DLG2: variants seen among roughly 807,000 people sequenced by gnomAD.
The protein encoded by DLG2 is discs large MAGUK scaffold protein 2, also known as disks large homolog 2.
A neutral mutation model predicts 132.5 loss-of-function variants in DLG2; 45 were observed. The ratio of observed to expected loss-of-function variants is 0.34; its 90% CI spans 0.27 to 0.44. The LOEUF (loss-of-function observed/expected upper bound fraction) is 0.44, where lower values mean the gene tolerates loss of function less well. Among genes scored for constraint, DLG2 ranks in the 20% least tolerant of loss-of-function variants. DLG2 has a pLI of 1.00. For synonymous variants in DLG2, 424 were observed against 419.6 expected, an observed-to-expected ratio of 1.01 and a Z score of -0.13; for missense variants, 1,045 against 1,196.9, an observed-to-expected ratio of 0.87 and a Z score of 1.87.
At chr11:84,696,996 G>T (rs941158905) in intron 6 of DLG2, among the ~76,000 whole-genome samples, 15 of 151,340 alleles carry the variant, frequency 9.9e-5, no homozygotes, top group Admixed American at 2.0e-4. Context: ...AGGAGAACTA[G>T]GTACCTCAGT....
At chr11:83,722,449 A>G (rs549976005) in intron 18 of DLG2, among the ~76,000 whole-genome samples, 4 of 152,278 alleles carry the variant, frequency 2.6e-5, no homozygotes, top group African/African-American at 9.6e-5. Flanking sequence ...TAAATTTGGT[A>G]GGGGATATGG....
intron 5 of DLG2, among the ~76,000 whole-genome samples, chr11:85,115,219 T>C (rs2073398224): frequency 6.6e-6 from 1 of 151,974 alleles, no homozygotes; most frequent in African/African-American, 2.4e-5. Flanking sequence ...ATATAGATTT[T>C]AAATTTAGAA....
At chr11:83,857,186 C>A (rs914472048) in intron 16 of DLG2, among the ~76,000 whole-genome samples, 11 of 152,050 alleles carry the variant, frequency 7.2e-5, no homozygotes, top group African/African-American at 2.7e-4. Context: ...GTCTATGTGT[C>A]TGTTTTTGTG....
At chr11:84,018,210 A>G (rs775988174) in intron 11 of DLG2, among the ~76,000 whole-genome samples, 6 of 151,960 alleles carry the variant, frequency 3.9e-5, no homozygotes, top group Non-Finnish European at 8.8e-5. Context: ...ATTACTGTAC[A>G]GGTCACTGAA....
At chr11:84,344,613 A>G (rs1286453524) in intron 7 of DLG2, among the ~76,000 whole-genome samples, 1 of 152,204 alleles carries the variant, frequency 6.6e-6, no homozygotes, top group East Asian at 1.9e-4. Flanking sequence ...TGTCAATTTC[A>G]AACTCTCTTC....
intron 6 of DLG2, among the ~76,000 whole-genome samples, chr11:84,985,600 C>G (rs185581650): frequency 2.1e-4 from 32 of 152,058 alleles, no homozygotes; most frequent in African/African-American, 7.0e-4. Context: ...CAAACACAAA[C>G]CCAGCAGAAG....
At chr11:85,536,704 C>G (rs2075609187) in intron 3 of DLG2, among the ~76,000 whole-genome samples, 1 of 152,214 alleles carries the variant, frequency 6.6e-6, no homozygotes, top group Admixed American at 6.5e-5. Context: ...TTGGCAAGCC[C>G]CGCACTCAGG....
At position 83,914,694 on chromosome 11, in the gene DLG2, A is replaced by C. The variant is rs150876552; in HGVS notation, c.1496+15634T>G. Among the ~76,000 whole-genome samples the C allele has an allele frequency of 4.2e-3, 643 of 152,298 alleles. 5 individuals carry two copies. Among genetic ancestry groups the C allele is most frequent in the African/African-American group, 0.015 (614 of 41,576 alleles). ...GTGAGTAGAGCCAGGATCCGAACTC[A>C]AGCACATGCCCTTAAATGCTACCCC... On this transcript the variant is annotated intron_variant, in intron 15 of 27. Coordinates refer to ENST00000376104, the MANE Select transcript of DLG2 (RefSeq NM_001142699.3).
chr11:83,883,368 T>C (rs774741871), intron 15 of DLG2, among the ~76,000 whole-genome samples: 2 of 152,224 alleles, frequency 1.3e-5, no homozygotes, highest in Non-Finnish European at 2.9e-5. Flanking sequence ...TGAAGTTCTA[T>C]TTCATTTTTC....
chr11:84,950,027 C>A (rs893586327), intron 6 of DLG2, among the ~76,000 whole-genome samples: 1 of 152,202 alleles, frequency 6.6e-6, no homozygotes, highest in Admixed American at 6.5e-5. Flanking sequence ...TCACAATCCA[C>A]GTTCTTCTGC....
At chr11:85,579,554 A>C (rs1247230036) in intron 3 of DLG2, among the ~76,000 whole-genome samples, 1 of 152,176 alleles carries the variant, frequency 6.6e-6, no homozygotes, top group African/African-American at 2.4e-5. Flanking sequence ...AATTTGAAAC[A>C]TGGAGGTCTC....
intron 19 of DLG2, among the ~76,000 whole-genome samples, chr11:83,613,593 T>C (rs1438438002): frequency 6.6e-6 from 1 of 152,188 alleles, no homozygotes; most frequent in Non-Finnish European, 1.5e-5. Flanking sequence ...GGTTTCCAAA[T>C]TCTGAGTCAA....
At chr11:85,152,911 A>G (rs547488843) in intron 5 of DLG2, among the ~76,000 whole-genome samples, 1 of 152,262 alleles carries the variant, frequency 6.6e-6, no homozygotes, top group Non-Finnish European at 1.5e-5. Flanking sequence ...AATTCATAAG[A>G]TTGTCTTTTT....
At chr11:84,337,297 C>A (rs77710680) in intron 7 of DLG2, among the ~76,000 whole-genome samples, 7 of 152,122 alleles carry the variant, frequency 4.6e-5, no homozygotes, top group African/African-American at 1.4e-4. Flanking sequence ...AACCCCAGAG[C>A]AGAGCCTATG....
chr11:85,297,774 G>A (rs1051328737), intron 3 of DLG2, among the ~76,000 whole-genome samples: 2 of 152,102 alleles, frequency 1.3e-5, no homozygotes, highest in African/African-American at 4.8e-5. Flanking sequence ...GTGGCCCAGG[G>A]CCTAATCAAG....
intron 14 of DLG2, among the ~76,000 whole-genome samples, chr11:83,950,052 C>A (rs1030587103): frequency 4.6e-5 from 7 of 152,178 alleles, no homozygotes; most frequent in Admixed American, 2.6e-4. Context: ...GCTTCCATCA[C>A]TTACCAGCTG....
At chr11:84,833,987 T>C (rs532785492) in intron 6 of DLG2, among the ~76,000 whole-genome samples, 33 of 151,590 alleles carry the variant, frequency 2.2e-4, no homozygotes, top group Non-Finnish European at 4.0e-4. Flanking sequence ...CAATTTACAC[T>C]CCTTACAAAA....
intron 17 of DLG2, among the ~76,000 whole-genome samples, chr11:83,820,672 G>T (rs2153980399): frequency 6.6e-6 from 1 of 152,258 alleles, no homozygotes; most frequent in Middle Eastern, 3.4e-3. Context: ...CTGTGGGCCT[G>T]ACAACTGAGG....
intron 21 of DLG2, among the ~76,000 whole-genome samples, chr11:83,515,853 C>T (rs899490128): frequency 1.3e-5 from 2 of 152,200 alleles, no homozygotes; most frequent in African/African-American, 4.8e-5. Flanking sequence ...GTTTCTTAAT[C>T]CTGAGTTCTA....
Sources: gnomAD v4.1 joint callset for allele counts (sites outside exome capture counted in the v4.1 genomes callset) on GRCh38, gnomAD v4.1.1 for gene constraint, MANE v1.5 for transcripts, NCBI Gene and HGNC (gene_info 2026-07-23, HGNC 2026-07-21) for gene names.